Variants in QTMAN observed in about 807,000 individuals in gnomAD.
QTMAN encodes the protein queuosine-tRNA mannosyltransferase, also known as tRNA-queuosine alpha-mannosyltransferase.
the QTMAN span, among the ~76,000 whole-genome samples, chr2:144,022,092 C>T: frequency 2.0e-5 from 3 of 152,176 alleles, no homozygotes; most frequent in East Asian, 5.8e-4. Flanking sequence ...TTGTTGTACT[C>T]TCTCATGTTT....
chr2:144,151,287 G>A, the QTMAN span, among the ~76,000 whole-genome samples: 2 of 151,928 alleles, frequency 1.3e-5, no homozygotes, highest in African/African-American at 2.4e-5. Context: ...TCATGATATG[G>A]TAAGTCATAA....
chr2:144,209,767 TC>T, the QTMAN span, among the ~76,000 whole-genome samples: 1 of 152,222 alleles, frequency 6.6e-6, no homozygotes, highest in Admixed American at 6.5e-5. Flanking sequence ...AAAACATCAT[TC>T]CATGCATAAA....
the QTMAN span, among the ~76,000 whole-genome samples, chr2:144,071,660 A>T: frequency 6.6e-6 from 1 of 152,268 alleles, no homozygotes; most frequent in South Asian, 2.1e-4. Flanking sequence ...CCTTCATCTC[A>T]ATGGCCATCT....
At chr2:144,055,126 T>A in the QTMAN span, among the ~76,000 whole-genome samples, 1 of 152,126 alleles carries the variant, frequency 6.6e-6, no homozygotes, top group Admixed American at 6.5e-5. Flanking sequence ...CAAATTTCAG[T>A]CCCTTGAGCT....
the QTMAN span, among the ~76,000 whole-genome samples, chr2:144,059,004 G>A: frequency 6.6e-6 from 1 of 152,282 alleles, no homozygotes; most frequent in East Asian, 1.9e-4. Flanking sequence ...AAGGAAAGCT[G>A]GTATTGTTTC....
chr2:143,989,074 T>C, the QTMAN span, among the ~76,000 whole-genome samples: 5 of 152,090 alleles, frequency 3.3e-5, no homozygotes, highest in East Asian at 9.6e-4. Context: ...CCAGCCCAAA[T>C]CTGATTTTGA....
chr2:144,142,199 C>T, the QTMAN span: 1 of 520,026 alleles, frequency 1.9e-6, no homozygotes, highest in Non-Finnish European at 3.4e-6. Context: ...TCAGTATCTA[C>T]CAAAATGTCT....
the QTMAN span, among the ~76,000 whole-genome samples, chr2:144,171,900 T>C: frequency 6.6e-6 from 1 of 152,174 alleles, no homozygotes; most frequent in Non-Finnish European, 1.5e-5. Context: ...ATATCTTCAC[T>C]GTAGTGGGCA....
the QTMAN span, among the ~76,000 whole-genome samples, chr2:144,305,972 T>C: frequency 1.3e-5 from 2 of 152,368 alleles, no homozygotes; most frequent in South Asian, 2.1e-4. Flanking sequence ...ATTTTCTATA[T>C]AGAAGATCAT....
At chr2:144,321,123 A>T in the QTMAN span, among the ~76,000 whole-genome samples, 1 of 152,234 alleles carries the variant, frequency 6.6e-6, no homozygotes, top group East Asian at 1.9e-4. Context: ...AGTAGTATCC[A>T]GAATATCCGT....
chr2:143,973,566 G>A, the QTMAN span, among the ~76,000 whole-genome samples: 15 of 152,018 alleles, frequency 9.9e-5, no homozygotes, highest in African/African-American at 3.6e-4. Flanking sequence ...CGAGACGGGC[G>A]GATCACGAGG....
the QTMAN span, among the ~76,000 whole-genome samples, chr2:144,055,515 G>C: frequency 6.6e-6 from 1 of 151,996 alleles, no homozygotes; most frequent in Non-Finnish European, 1.5e-5. Context: ...GTTTTTTGAG[G>C]CTTTTTGTTC....
At chr2:144,267,983 A>T in the QTMAN span, among the ~76,000 whole-genome samples, 3 of 152,090 alleles carry the variant, frequency 2.0e-5, no homozygotes, top group Non-Finnish European at 4.4e-5. Context: ...ATACAGTTTG[A>T]ATATTAGTTC....
chr2:143,974,600 T>C, the QTMAN span, among the ~76,000 whole-genome samples: 1 of 152,220 alleles, frequency 6.6e-6, no homozygotes, highest in Non-Finnish European at 1.5e-5. Context: ...CTGTGTAATC[T>C]GTTTTTCTAA....
At chr2:144,229,686 T>TG in the QTMAN span, among the ~76,000 whole-genome samples, 5 of 152,074 alleles carry the variant, frequency 3.3e-5, no homozygotes, top group African/African-American at 4.8e-5. Flanking sequence ...AAGTTAGGCG[T>TG]GGGGGGAAGA....
chr2:144,000,940 A>G, the QTMAN span, among the ~76,000 whole-genome samples: 1 of 151,986 alleles, frequency 6.6e-6, no homozygotes, highest in African/African-American at 2.4e-5. Flanking sequence ...ACTGATTTCC[A>G]AAAGTACTAT....
chr2:144,263,384 A>T, the QTMAN span, among the ~76,000 whole-genome samples: 1 of 152,150 alleles, frequency 6.6e-6, no homozygotes, highest in African/African-American at 2.4e-5. Context: ...AGTGTACCAT[A>T]GTGCAAAGAT....
At chr2:144,256,926 A>G in the QTMAN span, among the ~76,000 whole-genome samples, 1 of 152,206 alleles carries the variant, frequency 6.6e-6, no homozygotes, top group Non-Finnish European at 1.5e-5. Context: ...TACACTAAAT[A>G]TTAAATGAGC....
chr2:144,154,452 G>A, the QTMAN span, among the ~76,000 whole-genome samples: 7 of 152,220 alleles, frequency 4.6e-5, no homozygotes, highest in Non-Finnish European at 8.8e-5. Context: ...AGATAGTGAT[G>A]GTGTAATACT....
Sources: gnomAD v4.1 joint callset for allele counts (sites outside exome capture counted in the v4.1 genomes callset) on GRCh38, gnomAD v4.1.1 for gene constraint, MANE v1.5 for transcripts, NCBI Gene and HGNC (gene_info 2026-07-23, HGNC 2026-07-21) for gene names.